PRKCB: variants seen among roughly 807,000 people sequenced by gnomAD.
PRKCB encodes protein kinase C beta type.
PRKCB carries 13 observed loss-of-function variants against 81.5 expected under a neutral mutation model. That is an observed-to-expected ratio of 0.16 (90% CI 0.10 to 0.25). PRKCB has a LOEUF of 0.25. PRKCB is among the 10% of genes least tolerant of loss of function. PRKCB has a pLI of 1.00. For synonymous variants in PRKCB, 335 were observed against 321.4 expected, an observed-to-expected ratio of 1.04 and a Z score of -0.45; for missense variants, 509 against 875.7, an observed-to-expected ratio of 0.58 and a Z score of 5.29.
chr16:24,084,002 T>C (rs1313130139), intron 5 of PRKCB, among the ~76,000 whole-genome samples: 2 of 152,158 alleles, frequency 1.3e-5, no homozygotes, highest in Admixed American at 1.3e-4. Flanking sequence ...CATGTTATGA[T>C]ACTAAAAAGT....
At chr16:23,923,427 C>T (rs2141748072) in intron 2 of PRKCB, among the ~76,000 whole-genome samples, 1 of 152,134 alleles carries the variant, frequency 6.6e-6, no homozygotes, top group South Asian at 2.1e-4. Flanking sequence ...CTCACAGGCT[C>T]TAAATTAGCT....
chr16:24,205,398 T>G (rs1056872216), intron 16 of PRKCB, among the ~76,000 whole-genome samples: 3 of 151,766 alleles, frequency 2.0e-5, no homozygotes, highest in African/African-American at 7.3e-5. Flanking sequence ...CAAGTGATCC[T>G]TCCACCTGGG....
intron 2 of PRKCB, among the ~76,000 whole-genome samples, chr16:23,863,416 A>G (rs1042796975): frequency 2.0e-5 from 3 of 151,732 alleles, no homozygotes; most frequent in African/African-American, 7.3e-5. Flanking sequence ...CTGTGGACTC[A>G]CCCTGAATTC....
At chr16:24,019,114 C>T (rs1567345842) in intron 3 of PRKCB, among the ~76,000 whole-genome samples, 1 of 151,538 alleles carries the variant, frequency 6.6e-6, no homozygotes, top group Non-Finnish European at 1.5e-5. Context: ...GTTTTACTCT[C>T]TGTCTACTTT....
chr16:23,836,732 G>C (rs972714874), intron 1 of PRKCB, among the ~76,000 whole-genome samples: 1 of 150,944 alleles, frequency 6.6e-6, no homozygotes, highest in Non-Finnish European at 1.5e-5. Context: ...GCCTGCTTCC[G>C]GGCGCGAGGA....
At chr16:24,068,941 T>C (rs112103814) in intron 5 of PRKCB, among the ~76,000 whole-genome samples, 29 of 152,348 alleles carry the variant, frequency 1.9e-4, no homozygotes, top group African/African-American at 6.5e-4. Flanking sequence ...GAGACAGCGA[T>C]ATAAAATAAG....
chr16:24,216,147 G>A lies in PRKCB; in HGVS notation c.*1331G>A, dbSNP rs1003973622. 2.4e-5 allele frequency: 24 copies of A among 985,382 alleles called. No homozygotes were observed. Among genetic ancestry groups the A allele is most frequent in the Admixed American group, 6.2e-5 (1 of 16,260 alleles). 61.0% of individuals were successfully genotyped at this position (985,382 alleles called of 1,614,324 possible). ...TCTTGGCCCCAGTGTTCAGCCACTC[G>A]GAGGGGCGGGGGCTGTGGCCCATTC... On this transcript the variant is annotated 3_prime_UTR_variant, in exon 17 of 17. Coordinates refer to ENST00000643927, the MANE Select transcript of PRKCB (RefSeq NM_002738.7).
At chr16:23,925,833 T>C (rs1305120280) in intron 2 of PRKCB, among the ~76,000 whole-genome samples, 2 of 152,056 alleles carry the variant, frequency 1.3e-5, no homozygotes, top group Non-Finnish European at 2.9e-5. Flanking sequence ...TCAGTAGCCA[T>C]TGGAGAATGA....
chr16:23,919,299 C>G (rs1184575556), intron 2 of PRKCB, among the ~76,000 whole-genome samples: 1 of 151,050 alleles, frequency 6.6e-6, no homozygotes, highest in African/African-American at 2.4e-5. Flanking sequence ...TCAAATTATA[C>G]TACTTATAAA....
intron 16 of PRKCB, among the ~76,000 whole-genome samples, chr16:24,202,376 A>G (rs1379746100): frequency 2.0e-5 from 3 of 152,058 alleles, no homozygotes; most frequent in Non-Finnish European, 2.9e-5. Flanking sequence ...CCGCCATCCT[A>G]TTGATATTTT....
At chr16:23,845,828 G>C (rs1962358188) in intron 2 of PRKCB, among the ~76,000 whole-genome samples, 1 of 152,106 alleles carries the variant, frequency 6.6e-6, no homozygotes, top group Non-Finnish European at 1.5e-5. Context: ...CTTCCTTTTT[G>C]TTTAGGGTTT....
intron 7 of PRKCB, among the ~76,000 whole-genome samples, chr16:24,109,043 C>G (rs1966627581): frequency 6.8e-6 from 1 of 148,008 alleles, no homozygotes; most frequent in Admixed American, 6.6e-5. Context: ...GACCCCCCCA[C>G]CTCTCTCCCA....
intron 2 of PRKCB, among the ~76,000 whole-genome samples, chr16:23,901,446 G>C (rs1963470612): frequency 6.6e-6 from 1 of 152,134 alleles, no homozygotes; most frequent in Non-Finnish European, 1.5e-5. Context: ...TGGAAGTTGT[G>C]GGGTGTTTTT....
At chr16:24,193,444 CAAATAAATAAATAAAT>C (rs56289209) in intron 16 of PRKCB, among the ~76,000 whole-genome samples, 1,844 of 122,208 alleles carry the variant, frequency 0.015, 74 homozygotes, top group African/African-American at 0.045. Flanking sequence ...GACTCCATCT[CAAATAAATAAATAAAT>C]AAATAAATAA....
chr16:23,999,294 C>T (rs1272585283), intron 3 of PRKCB, among the ~76,000 whole-genome samples: 1 of 152,224 alleles, frequency 6.6e-6, no homozygotes, highest in Admixed American at 6.5e-5. Flanking sequence ...AGGCTCCATC[C>T]ACGATAAAGG....
At chr16:23,921,708 G>T (rs1371907878) in intron 2 of PRKCB, among the ~76,000 whole-genome samples, 1 of 152,126 alleles carries the variant, frequency 6.6e-6, no homozygotes, top group Non-Finnish European at 1.5e-5. Context: ...GGCTGAGGCA[G>T]GAGAATTGCT....
At chr16:24,172,051 A>G in intron 10 of PRKCB, 1 of 454,380 alleles carries the variant, frequency 2.2e-6, no homozygotes, top group Non-Finnish European at 4.0e-6. Context: ...CCAAAGTTGT[A>G]ATTATTAATG....
chr16:23,970,755 C>T (rs891854151), intron 2 of PRKCB, among the ~76,000 whole-genome samples: 1 of 152,220 alleles, frequency 6.6e-6, no homozygotes, highest in African/African-American at 2.4e-5. Flanking sequence ...TGCTGAACCC[C>T]TGTCTTGTGT....
rs1192906884 is a variant in PRKCB, at chr16:23,881,965, CCTTTCTTTCTTTCTTT to C, written c.205+44603_205+44618del. ...GCTGGTTTCTTCCTTTTTTTCTTTTCCTTTCTTTCTTTCTTTCTTTCTTTCTTTCTTTCTTTCTTTC... is the reference window on the plus strand; with the variant it reads ...GCTGGTTTCTTCCTTTTTTTCTTTTCCTTTCTTTCTTTCTTTCTTTCTTTC... On this transcript the variant is annotated intron_variant, in intron 2 of 16. Coordinates refer to ENST00000643927, the MANE Select transcript of PRKCB (RefSeq NM_002738.7). Among the ~76,000 whole-genome samples, 249 of 70,122 alleles carry C rather than the reference CCTTTCTTTCTTTCTTT, an allele frequency of 3.6e-3. 4 individuals carry two copies. The highest frequency in any genetic ancestry group is 9.2e-3 in the African/African-American group (211 of 22,944). 46.0% of individuals were successfully genotyped at this position (70,122 alleles called of 152,430 possible).
Sources: gnomAD v4.1 joint callset for allele counts (sites outside exome capture counted in the v4.1 genomes callset) on GRCh38, gnomAD v4.1.1 for gene constraint, MANE v1.5 for transcripts, NCBI Gene and HGNC (gene_info 2026-07-23, HGNC 2026-07-21) for gene names.